ELAVL4: variants seen among roughly 807,000 people sequenced by gnomAD.
ELAVL4 encodes the protein ELAV like RNA binding protein 4.
In ELAVL4, 1 loss-of-function variant was observed where a neutral mutation model predicts 35.6. The observed-to-expected ratio is 0.03, with a 90% CI of 0.01 to 0.13. ELAVL4 has a LOEUF of 0.13. Among genes scored for constraint, ELAVL4 ranks in the 10% least tolerant of loss-of-function variants. ELAVL4 has a pLI of 1.00. For missense variants in ELAVL4, 267 were observed against 464.9 expected (o/e 0.57, Z 3.91); for synonymous variants, 156 against 171.0 (o/e 0.91, Z 0.69).
intron 4 of ELAVL4, among the ~76,000 whole-genome samples, chr1:50,194,666 GC>G (rs1486730929): frequency 2.6e-5 from 4 of 152,294 alleles, no homozygotes; most frequent in Admixed American, 2.6e-4. Context: ...AGCAGGCACT[GC>G]CCCACCCTTA....
chr1:50,176,158 GC>G (rs1421376068), intron 2 of ELAVL4, among the ~76,000 whole-genome samples: 5 of 152,196 alleles, frequency 3.3e-5, no homozygotes, highest in Non-Finnish European at 7.3e-5. Context: ...CTTGGGGGGA[GC>G]CCTGTCACTT....
chr1:50,142,068 A>T (rs1029122343), intron 1 of ELAVL4, among the ~76,000 whole-genome samples: 1 of 152,248 alleles, frequency 6.6e-6, no homozygotes, highest in Non-Finnish European at 1.5e-5. Context: ...AATGTACATT[A>T]TCTCTCATCC....
intron 1 of ELAVL4, among the ~76,000 whole-genome samples, chr1:50,121,250 G>A (rs1668982571): frequency 6.6e-6 from 1 of 151,964 alleles, no homozygotes; most frequent in Non-Finnish European, 1.5e-5. Context: ...CTCTTAATAT[G>A]TAAAACAGAA....
chr1:50,181,755 C>T (rs1476789343), intron 3 of ELAVL4, among the ~76,000 whole-genome samples: 4 of 152,212 alleles, frequency 2.6e-5, no homozygotes, highest in Non-Finnish European at 1.5e-5. Context: ...GCGATCTGGG[C>T]TCACAGCAAC....
intron 1 of ELAVL4, among the ~76,000 whole-genome samples, chr1:50,052,538 A>C (rs1663440694): frequency 6.6e-6 from 1 of 152,212 alleles, no homozygotes. Flanking sequence ...AGAAGAAACC[A>C]TTTACCACTT....
chr1:50,144,594 T>A (rs1572383668), intron 1 of ELAVL4: 1 of 475,022 alleles, frequency 2.1e-6, no homozygotes, highest in East Asian at 5.7e-5. Context: ...AATGGAACTA[T>A]AATTTTAATC....
chr1:50,163,546 G>A (rs1458934802), intron 2 of ELAVL4, among the ~76,000 whole-genome samples: 1 of 152,042 alleles, frequency 6.6e-6, no homozygotes, highest in Non-Finnish European at 1.5e-5. Flanking sequence ...ATGCTCTCTC[G>A]CCGGGTGCAG....
intron 1 of ELAVL4, among the ~76,000 whole-genome samples, chr1:50,064,622 A>T (rs999911510): frequency 3.9e-5 from 6 of 152,178 alleles, no homozygotes; most frequent in African/African-American, 1.2e-4. Flanking sequence ...TATCTTGAAG[A>T]TACAGTCACC....
intron 1 of ELAVL4, among the ~76,000 whole-genome samples, chr1:50,144,300 A>G (rs1039563142): frequency 6.6e-6 from 1 of 152,108 alleles, no homozygotes; most frequent in Non-Finnish European, 1.5e-5. Flanking sequence ...ACCTAGAGAA[A>G]AGTTTGCCTC....
At chr1:50,110,421 A>G (rs1042216615) in intron 1 of ELAVL4, among the ~76,000 whole-genome samples, 11 of 152,160 alleles carry the variant, frequency 7.2e-5, no homozygotes, top group East Asian at 5.8e-4. Flanking sequence ...AGCCGATGCA[A>G]TTGTGAAACA....
At chr1:50,117,634 A>G (rs1668188195) in intron 1 of ELAVL4, among the ~76,000 whole-genome samples, 1 of 152,160 alleles carries the variant, frequency 6.6e-6, no homozygotes, top group Non-Finnish European at 1.5e-5. Flanking sequence ...CAGATGAGAA[A>G]CAGTATTTGA....
At chr1:50,092,347 G>A (rs1003594203) in intron 1 of ELAVL4, among the ~76,000 whole-genome samples, 2 of 152,164 alleles carry the variant, frequency 1.3e-5, no homozygotes, top group South Asian at 2.1e-4. Context: ...CATCCCAGGC[G>A]AGACACCAAC....
chr1:50,070,290 T>G (rs1329149729), intron 1 of ELAVL4, among the ~76,000 whole-genome samples: 1 of 152,222 alleles, frequency 6.6e-6, no homozygotes, highest in Non-Finnish European at 1.5e-5. Context: ...TTTATTTTCC[T>G]GAATCCTTAT....
chr1:50,139,514 A>G (rs1203894887), intron 1 of ELAVL4, among the ~76,000 whole-genome samples: 1 of 152,182 alleles, frequency 6.6e-6, no homozygotes, highest in Non-Finnish European at 1.5e-5. Flanking sequence ...TGTCTTTGTT[A>G]TCTCTGTATC....
rs185053078 is a variant in ELAVL4 at position 50,075,705 on chromosome 1, C to A, written c.18+27523C>A. 1.0e-3 allele frequency among the ~76,000 whole-genome samples: 157 copies of A among 152,346 alleles called. 4 individuals are homozygous for A. Among genetic ancestry groups the A allele is most frequent in the Non-Finnish European group, 8.8e-5 (6 of 68,036 alleles). On this transcript the variant is annotated intron_variant, in intron 1 of 6. Coordinates refer to the ELAVL4 transcript ENST00000448907. Reference sequence around the variant, plus strand: ...TTTACGATGGTGTGAAAGCAATACACATTCAGGAGCCCCTCGACTTAACAG... The same window carrying A: ...TTTACGATGGTGTGAAAGCAATACAAATTCAGGAGCCCCTCGACTTAACAG...
intron 3 of ELAVL4, among the ~76,000 whole-genome samples, chr1:50,178,539 C>G (rs966579182): frequency 6.6e-6 from 1 of 152,174 alleles, no homozygotes; most frequent in Non-Finnish European, 1.5e-5. Flanking sequence ...TGATCTCATA[C>G]AGCCTGATAC....
chr1:50,083,632 T>C (rs1486700739), intron 1 of ELAVL4, among the ~76,000 whole-genome samples: 2 of 152,162 alleles, frequency 1.3e-5, no homozygotes, highest in Non-Finnish European at 2.9e-5. Context: ...ACATAAAATT[T>C]GGGGAGAAAA....
intron 1 of ELAVL4, among the ~76,000 whole-genome samples, chr1:50,114,233 T>C (rs760089993): frequency 2.6e-5 from 4 of 152,000 alleles, no homozygotes; most frequent in Non-Finnish European, 5.9e-5. Context: ...GATATGTGTA[T>C]ATGTATGGGG....
intron 1 of ELAVL4, among the ~76,000 whole-genome samples, chr1:50,055,018 C>T (rs1360069207): frequency 6.6e-6 from 1 of 152,226 alleles, no homozygotes. Context: ...TTCTCTCTCT[C>T]TATGGGTTCT....
Sources: gnomAD v4.1 joint callset for allele counts (sites outside exome capture counted in the v4.1 genomes callset) on GRCh38, gnomAD v4.1.1 for gene constraint, MANE v1.5 for transcripts, NCBI Gene and HGNC (gene_info 2026-07-23, HGNC 2026-07-21) for gene names.